SYNPR: variants seen among roughly 807,000 people sequenced by gnomAD.
The protein encoded by SYNPR is synaptoporin.
Under a neutral mutation model 32.9 loss-of-function variants are expected in SYNPR, and 23 were observed. The ratio of observed to expected loss-of-function variants is 0.70; its 90% CI spans 0.50 to 0.99. The LOEUF (loss-of-function observed/expected upper bound fraction) is 0.99. Among genes scored for constraint, SYNPR ranks in the 50% least tolerant of loss-of-function variants. SYNPR has a pLI of 0.00. For missense variants in SYNPR, 318 were observed against 349.3 expected (o/e 0.91, Z 0.71); for synonymous variants, 146 against 135.9 (o/e 1.07, Z -0.52).
At chr3:63,455,753 T>TGG (rs761352390) in intron 2 of SYNPR, among the ~76,000 whole-genome samples, 40 of 86,142 alleles carry the variant, frequency 4.6e-4, no homozygotes, top group African/African-American at 8.1e-4. Context: ...TAGTCATGTT[T>TGG]GGGGTGTGTG....
At chr3:63,514,248 C>T (rs1002362681) in intron 3 of SYNPR, among the ~76,000 whole-genome samples, 1 of 152,144 alleles carries the variant, frequency 6.6e-6, no homozygotes, top group Admixed American at 6.6e-5. Context: ...TGGTCATTGG[C>T]AGCTGTATTT....
chr3:63,256,783 G>A (rs1486054284), intron 2 of SYNPR, among the ~76,000 whole-genome samples: 4 of 152,170 alleles, frequency 2.6e-5, no homozygotes, highest in African/African-American at 4.8e-5. Context: ...GCTAAAGGAA[G>A]AAGTTCGAAC....
At chr3:63,433,752 G>A (rs1032568556) in intron 2 of SYNPR, among the ~76,000 whole-genome samples, 16 of 152,094 alleles carry the variant, frequency 1.1e-4, no homozygotes, top group African/African-American at 3.9e-4. Flanking sequence ...CACCCAGATA[G>A]GAGGGATTTT....
intron 2 of SYNPR, among the ~76,000 whole-genome samples, chr3:63,411,583 T>A (rs1320013850): frequency 1.3e-5 from 2 of 152,016 alleles, no homozygotes; most frequent in Admixed American, 6.6e-5. Flanking sequence ...AGGAAGTGAT[T>A]TTACAGTTGA....
At chr3:63,405,359 C>T (rs2088345644) in intron 2 of SYNPR, among the ~76,000 whole-genome samples, 1 of 152,136 alleles carries the variant, frequency 6.6e-6, no homozygotes, top group Non-Finnish European at 1.5e-5. Context: ...AAATGTTCTA[C>T]AAACTGACAG....
intron 2 of SYNPR, among the ~76,000 whole-genome samples, chr3:63,313,836 T>TATCC: frequency 3.1e-5 from 1 of 32,062 alleles, no homozygotes; most frequent in African/African-American, 1.7e-4. Context: ...TATATATCCA[T>TATCC]ATATATATAT....
chr3:63,594,711 C>T (rs1245221770), intron 4 of SYNPR, among the ~76,000 whole-genome samples: 1 of 152,076 alleles, frequency 6.6e-6, no homozygotes, highest in Non-Finnish European at 1.5e-5. Context: ...GTGTTGGCAG[C>T]TCTCATCATC....
chr3:63,572,178 C>T (rs902976624), intron 4 of SYNPR, among the ~76,000 whole-genome samples: 2 of 152,078 alleles, frequency 1.3e-5, no homozygotes, highest in Non-Finnish European at 2.9e-5. Context: ...TGATTTAACT[C>T]GAAATCTTTC....
intron 4 of SYNPR, among the ~76,000 whole-genome samples, chr3:63,596,352 A>C (rs1230437070): frequency 1.8e-5 from 2 of 111,732 alleles, no homozygotes; most frequent in East Asian, 3.0e-4. Context: ...TCTCTTCCCT[A>C]TCCTCCTCCT....
At chr3:63,390,811 C>G (rs2088123098) in intron 2 of SYNPR, among the ~76,000 whole-genome samples, 1 of 152,186 alleles carries the variant, frequency 6.6e-6, no homozygotes, top group Non-Finnish European at 1.5e-5. Flanking sequence ...CCAAGGCCTC[C>G]TCCTTCCTGG....
chr3:63,296,263 A>G (rs1042353127), intron 2 of SYNPR, among the ~76,000 whole-genome samples: 1 of 146,364 alleles, frequency 6.8e-6, no homozygotes, highest in Non-Finnish European at 1.5e-5. Flanking sequence ...TGCTAATAGT[A>G]TGAAGTTTTA....
At chr3:63,335,322 C>T (rs923543191) in intron 2 of SYNPR, among the ~76,000 whole-genome samples, 4 of 138,126 alleles carry the variant, frequency 2.9e-5, no homozygotes, top group African/African-American at 1.1e-4. Context: ...CACTGCACTC[C>T]AGCCTGGGCA....
chr3:63,317,732 G>A (rs1266190634), intron 2 of SYNPR, among the ~76,000 whole-genome samples: 4 of 151,984 alleles, frequency 2.6e-5, no homozygotes, highest in South Asian at 2.1e-4. Flanking sequence ...TATATTCAAC[G>A]GTAGTATTGA....
At chr3:63,245,716 T>A (rs879409392) in intron 1 of SYNPR, among the ~76,000 whole-genome samples, 37,900 of 89,176 alleles carry the variant, frequency 0.43, 5,876 homozygotes, top group Non-Finnish European at 0.46. Flanking sequence ...AGAGAGTGTG[T>A]GTGTGTGTGT....
Position 63,589,387 on chromosome 3 carries a change from G to A in SYNPR, c.409-19738G>A, listed in dbSNP as rs1703266015. Reference sequence around the variant, plus strand: ...TCTCTTCTACCAGAATGAGTACTAGGACCATGTCTGTTTCTATTAACTACC... The same window carrying A: ...TCTCTTCTACCAGAATGAGTACTAGAACCATGTCTGTTTCTATTAACTACC... On this transcript the variant is annotated intron_variant, in intron 4 of 5. Coordinates refer to ENST00000478300, the MANE Select transcript of SYNPR (RefSeq NM_001130003.2). 2.0e-5 allele frequency among the ~76,000 whole-genome samples: 3 copies of A among 152,004 alleles called. No homozygotes were observed. In the South Asian group the frequency reaches 6.2e-4, roughly 32 times the overall value.
In SYNPR at chr3:63,471,030, G is replaced by A. The variant is rs565898700; in HGVS notation, c.85-9802G>A. Among the ~76,000 whole-genome samples, 278 of 152,314 alleles carry A rather than the reference G, an allele frequency of 1.8e-3. 1 individual carries two copies. Among genetic ancestry groups the A allele is most frequent in the African/African-American group, 6.1e-3 (255 of 41,572 alleles). On this transcript the variant is annotated intron_variant, in intron 2 of 5. Transcript: ENST00000478300. ...AACAGAAACTTCTTTTGCCATGTAA[G>A]TAACTTGGAGTTTTCCTTCTGTAGG...
intron 3 of SYNPR, among the ~76,000 whole-genome samples, chr3:63,531,755 C>T (rs901791689): frequency 1.3e-5 from 2 of 152,140 alleles, no homozygotes; most frequent in Non-Finnish European, 2.9e-5. Flanking sequence ...AATGAGGATC[C>T]AGAGACCCTC....
intron 3 of SYNPR, among the ~76,000 whole-genome samples, chr3:63,516,202 G>T (rs1406479856): frequency 1.3e-5 from 2 of 152,058 alleles, no homozygotes; most frequent in Non-Finnish European, 2.9e-5. Context: ...CTATCCTGCT[G>T]CCCATCATGG....
intron 3 of SYNPR, among the ~76,000 whole-genome samples, chr3:63,542,543 C>T (rs1702324868): frequency 6.6e-6 from 1 of 152,072 alleles, no homozygotes. Flanking sequence ...TTTCCTACCT[C>T]TAGCCTGAGA....
Sources: gnomAD v4.1 joint callset for allele counts (sites outside exome capture counted in the v4.1 genomes callset) on GRCh38, gnomAD v4.1.1 for gene constraint, MANE v1.5 for transcripts, NCBI Gene and HGNC (gene_info 2026-07-23, HGNC 2026-07-21) for gene names.